KAZN: variants seen among roughly 807,000 people sequenced by gnomAD.
The protein encoded by KAZN is kazrin, periplakin interacting protein.
A neutral mutation model predicts 87.4 loss-of-function variants in KAZN; 40 were observed. The ratio of observed to expected loss-of-function variants is 0.46; its 90% CI spans 0.36 to 0.60. The LOEUF (loss-of-function observed/expected upper bound fraction) is 0.60, where lower values mean the gene tolerates loss of function less well. Among genes scored for constraint, KAZN ranks in the 20% least tolerant of loss-of-function variants. KAZN has a pLI of 0.00. For synonymous variants in KAZN, 466 were observed against 458.3 expected, an observed-to-expected ratio of 1.02 and a Z score of -0.22; for missense variants, 898 against 1,073.9, an observed-to-expected ratio of 0.84 and a Z score of 2.29.
At chr1:14,206,716 C>G (rs200275496) in intron 2 of KAZN, among the ~76,000 whole-genome samples, 1 of 64,242 alleles carries the variant, frequency 1.6e-5, no homozygotes, top group African/African-American at 5.9e-5. Flanking sequence ...TTTTTTTTTT[C>G]AAATTCCCTA....
At chr1:14,089,144 G>A (rs1012247044) in intron 1 of KAZN, among the ~76,000 whole-genome samples, 10 of 151,820 alleles carry the variant, frequency 6.6e-5, no homozygotes, top group African/African-American at 2.4e-4. Context: ...AATGGATGCT[G>A]TATCTTTTTA....
At chr1:15,110,009 T>C (rs938955248) in intron 13 of KAZN, among the ~76,000 whole-genome samples, 2 of 148,078 alleles carry the variant, frequency 1.4e-5, no homozygotes, top group Admixed American at 6.8e-5. Context: ...GTGTGTTGTG[T>C]ATGTATGTGT....
intron 1 of KAZN, among the ~76,000 whole-genome samples, chr1:14,663,864 A>G (rs1639342511): frequency 6.6e-6 from 1 of 152,224 alleles, no homozygotes; most frequent in South Asian, 2.1e-4. Flanking sequence ...AGATATTTGT[A>G]CACCAACTTC....
At chr1:14,609,563 C>T (rs1162579429) in intron 1 of KAZN, among the ~76,000 whole-genome samples, 1 of 152,202 alleles carries the variant, frequency 6.6e-6, no homozygotes, top group Non-Finnish European at 1.5e-5. Context: ...TATTCTAAAA[C>T]AAGAGCTTGG....
chr1:14,939,749 C>A (rs1660845930), intron 1 of KAZN, among the ~76,000 whole-genome samples: 1 of 152,172 alleles, frequency 6.6e-6, no homozygotes, highest in South Asian at 2.1e-4. Flanking sequence ...GCTTTGTTGT[C>A]CACGGCACAG....
At chr1:14,121,268 A>G (rs1644746103) in intron 1 of KAZN, among the ~76,000 whole-genome samples, 1 of 152,202 alleles carries the variant, frequency 6.6e-6, no homozygotes, top group African/African-American at 2.4e-5. Context: ...ACCTTCCCTT[A>G]AAAACCTCTT....
intron 1 of KAZN, among the ~76,000 whole-genome samples, chr1:13,965,720 A>G (rs973386914): frequency 1.3e-5 from 2 of 152,198 alleles, no homozygotes; most frequent in Non-Finnish European, 2.9e-5. Context: ...TGTGAAGTCA[A>G]GGAGGGCTGG....
intron 1 of KAZN, among the ~76,000 whole-genome samples, chr1:14,053,694 T>G (rs1428262115): frequency 6.6e-6 from 1 of 152,222 alleles, no homozygotes; most frequent in African/African-American, 2.4e-5. Context: ...AATTGTTTTA[T>G]GCCTGCTTTG....
chr1:14,159,884 T>C (rs1557524495), intron 1 of KAZN, among the ~76,000 whole-genome samples: 1 of 152,274 alleles, frequency 6.6e-6, no homozygotes, highest in East Asian at 1.9e-4. Flanking sequence ...AGGGTGTGTC[T>C]GGAAATGTCA....
At chr1:14,389,142 T>C (rs998871876) in intron 2 of KAZN, among the ~76,000 whole-genome samples, 1 of 152,094 alleles carries the variant, frequency 6.6e-6, no homozygotes, top group Non-Finnish European at 1.5e-5. Flanking sequence ...AAATCAAAAC[T>C]ACAATGAGGT....
chr1:15,036,101 AAGG>A (rs2100233552), intron 3 of KAZN, among the ~76,000 whole-genome samples: 1 of 152,126 alleles, frequency 6.6e-6, no homozygotes, highest in African/African-American at 2.4e-5. Context: ...TCTATGATGA[AAGG>A]AGCCTCGAGA....
At position 14,956,462 on chromosome 1, in the gene KAZN, G is replaced by C. The variant is rs141992711; in HGVS notation, c.227-4222G>C. Reference sequence around the variant, plus strand: ...TAAAAATACAAAAAATTACCCAGGCGTGGTGGCGGGTTTGTAGCCTGTAAT... The same window carrying C: ...TAAAAATACAAAAAATTACCCAGGCCTGGTGGCGGGTTTGTAGCCTGTAAT... On this transcript the variant is annotated intron_variant, in intron 1 of 14. Transcript: ENST00000376030. Among the ~76,000 whole-genome samples the C allele has an allele frequency of 2.6e-5, 4 of 152,032 alleles. 1 individual carries two copies. The highest frequency in any genetic ancestry group is 5.9e-5 in the Non-Finnish European group (4 of 67,974).
At chr1:14,791,961 G>T (rs1377262922) in intron 1 of KAZN, among the ~76,000 whole-genome samples, 1 of 152,220 alleles carries the variant, frequency 6.6e-6, no homozygotes, top group Non-Finnish European at 1.5e-5. Flanking sequence ...GGTGACCTCG[G>T]TCAATGCTGC....
intron 1 of KAZN, among the ~76,000 whole-genome samples, chr1:14,051,399 T>A (rs1313477664): frequency 6.6e-6 from 1 of 151,948 alleles, no homozygotes; most frequent in Non-Finnish European, 1.5e-5. Context: ...GAGTCTGGGT[T>A]TTTTCTTTAT....
At chr1:14,764,501 C>G (rs767171410) in intron 1 of KAZN, among the ~76,000 whole-genome samples, 15 of 151,476 alleles carry the variant, frequency 9.9e-5, no homozygotes, top group Non-Finnish European at 1.6e-4. Context: ...GCCCCTCTGC[C>G]CCCCCATAGA....
chr1:15,013,405 T>A (rs1353688648), intron 2 of KAZN, among the ~76,000 whole-genome samples: 1 of 151,472 alleles, frequency 6.6e-6, no homozygotes, highest in Non-Finnish European at 1.5e-5. Context: ...AAGAAAAAAA[T>A]TAAGTATGGA....
At chr1:14,896,041 C>T (rs1002615609) in intron 1 of KAZN, among the ~76,000 whole-genome samples, 1 of 140,716 alleles carries the variant, frequency 7.1e-6, no homozygotes, top group African/African-American at 2.8e-5. Context: ...AAAAAGACGC[C>T]TTTTTTTTTT....
chr1:14,598,964 T>C lies in KAZN; in HGVS notation c.-34T>C. 2.6e-6 allele frequency: 4 copies of C among 1,561,146 alleles called. No individual in the cohort carries two copies. Among genetic ancestry groups the C allele is most frequent in the Non-Finnish European group, 3.5e-6 (4 of 1,157,464 alleles). The stretch of plus-strand genomic sequence containing the variant: ...CCCCCGCGCATCATGCAGCTCTTTG[T>C]CACCTCTCTCGCCCCCAGGCCAAAA... On this transcript the variant is annotated 5_prime_UTR_variant, in exon 1 of 15. Coordinates refer to ENST00000376030, the MANE Select transcript of KAZN (RefSeq NM_201628.3). This position sits in a 1 kb window ranked among gnomAD's most constrained non-coding sequence, Gnocchi z 4.2.
rs568262898 is a variant in KAZN, at chr1:14,885,503, T to G, written c.227-75181T>G. On this transcript the variant is annotated intron_variant, in intron 1 of 14. Transcript: ENST00000376030. ...CTCTGACACTGCACCCTTTATTTCC[T>G]TTTTTTATTTTGTTTGTTTGTTTTT... is the stretch of plus-strand genomic sequence containing the variant. Among the ~76,000 whole-genome samples the G allele has an allele frequency of 1.4e-4, 22 of 152,296 alleles. No homozygotes were observed. The South Asian group carries it at 4.1e-3, about 29-fold the overall frequency.
Sources: gnomAD v4.1 joint callset for allele counts (sites outside exome capture counted in the v4.1 genomes callset) on GRCh38, gnomAD v4.1.1 for gene constraint, Gnocchi (gnomAD v3.1) non-coding constraint, MANE v1.5 for transcripts, NCBI Gene and HGNC (gene_info 2026-07-23, HGNC 2026-07-21) for gene names.